The following TEK variants were observed in gnomAD, a reference collection of about 807,000 sequenced individuals.
TEK encodes the protein TEK receptor tyrosine kinase, also known as angiopoietin-1 receptor.
TEK carries 43 observed loss-of-function variants against 131.8 expected under a neutral mutation model. That is an observed-to-expected ratio of 0.33 (90% CI 0.26 to 0.42). TEK has a LOEUF of 0.42. TEK is among the 10% of genes least tolerant of loss of function. The pLI is 1.00. For missense variants in TEK, 1,162 were observed against 1,384.4 expected (o/e 0.84, Z 2.55); for synonymous variants, 580 against 491.6 (o/e 1.18, Z -2.38).
At chr9:27,136,375 G>C (rs549222330) in intron 1 of TEK, among the ~76,000 whole-genome samples, 1 of 151,918 alleles carries the variant, frequency 6.6e-6, no homozygotes, top group Non-Finnish European at 1.5e-5. Context: ...CCACTGCGCC[G>C]GTCCCTACTT....
At chr9:27,182,764 G>T (rs1018432827) in intron 7 of TEK, among the ~76,000 whole-genome samples, 2 of 151,270 alleles carry the variant, frequency 1.3e-5, no homozygotes, top group South Asian at 4.2e-4. Flanking sequence ...CTGTGTAGAT[G>T]TTAGGCAAGA....
At chr9:27,153,102 C>T (rs1316542691) in intron 1 of TEK, among the ~76,000 whole-genome samples, 1 of 152,106 alleles carries the variant, frequency 6.6e-6, no homozygotes, top group Non-Finnish European at 1.5e-5. Context: ...GACGTCATGC[C>T]ACAATGCCAA....
At chr9:27,170,085 G>T (rs538557873) in intron 4 of TEK, among the ~76,000 whole-genome samples, 1 of 152,076 alleles carries the variant, frequency 6.6e-6, no homozygotes, top group East Asian at 1.9e-4. Context: ...TTCACATGGC[G>T]GCAGGAGAGA....
At chr9:27,184,709 G>C (rs559385969) in intron 8 of TEK, among the ~76,000 whole-genome samples, 77 of 152,166 alleles carry the variant, frequency 5.1e-4, no homozygotes, top group Non-Finnish European at 6.8e-4. Context: ...GTGGGAACTG[G>C]CTGGGTGAAG....
At chr9:27,177,130 G>A (rs967494859) in intron 6 of TEK, among the ~76,000 whole-genome samples, 1 of 152,150 alleles carries the variant, frequency 6.6e-6, no homozygotes, top group Non-Finnish European at 1.5e-5. Flanking sequence ...TTTGGCTACT[G>A]TAAGCAATGC....
intron 11 of TEK, chr9:27,195,818 G>GTGAAC: frequency 1.2e-5 from 5 of 415,182 alleles, no homozygotes; most frequent in Middle Eastern, 7.0e-4. Context: ...TATTTTACAG[G>GTGAAC]TGAACTTGGA....
intron 1 of TEK, among the ~76,000 whole-genome samples, chr9:27,134,759 C>T (rs568650758): frequency 1.4e-4 from 22 of 152,156 alleles, no homozygotes; most frequent in Non-Finnish European, 2.4e-4. Flanking sequence ...TCATGATCCC[C>T]TACTAGAAGT....
In TEK at chr9:27,208,675, C is replaced by T. The variant is rs376308826; in HGVS notation, c.2576-446C>T. Among the ~76,000 whole-genome samples the T allele has an allele frequency of 6.6e-4, 100 of 152,280 alleles. 1 individual carries two copies. In the South Asian group the frequency reaches 0.011, roughly 16 times the overall value. Reference sequence around the variant, plus strand: ...TCATGGAAACTTTGGTTCTATTCCTCAGTTGTCTCTGGATGGTAGATTTAG... The same window carrying T: ...TCATGGAAACTTTGGTTCTATTCCTTAGTTGTCTCTGGATGGTAGATTTAG... On this transcript the variant is annotated intron_variant, in intron 15 of 22. Transcript: ENST00000380036.
chr9:27,137,634 C>A (rs1478853802), intron 1 of TEK, among the ~76,000 whole-genome samples: 1 of 151,962 alleles, frequency 6.6e-6, no homozygotes, highest in Non-Finnish European at 1.5e-5. Flanking sequence ...TTAAACTTAC[C>A]TGAAAATTGT....
chr9:27,146,650 C>G (rs1269161569), intron 1 of TEK, among the ~76,000 whole-genome samples: 2 of 151,798 alleles, frequency 1.3e-5, no homozygotes, highest in Non-Finnish European at 2.9e-5. Context: ...ATGTATTTAT[C>G]CACTGAAGGA....
chr9:27,203,403 GAA>G (rs1284161693), intron 13 of TEK, among the ~76,000 whole-genome samples: 1 of 152,230 alleles, frequency 6.6e-6, no homozygotes, highest in Non-Finnish European at 1.5e-5. Flanking sequence ...GGAGAAAGAA[GAA>G]TGTGGGAGCT....
chr9:27,221,066 A>T (rs1217950572), intron 21 of TEK, among the ~76,000 whole-genome samples: 1 of 152,122 alleles, frequency 6.6e-6, no homozygotes, highest in Non-Finnish European at 1.5e-5. Flanking sequence ...CTGGGGGAGG[A>T]CGCTCCAGCT....
intron 1 of TEK, among the ~76,000 whole-genome samples, chr9:27,146,668 G>T (rs996921122): frequency 1.1e-4 from 16 of 151,480 alleles, no homozygotes; most frequent in African/African-American, 2.7e-4. Context: ...GGATATTTGG[G>T]TGCTTCCAGT....
At chr9:27,178,737 C>A (rs1441863682) in intron 6 of TEK, among the ~76,000 whole-genome samples, 1 of 152,132 alleles carries the variant, frequency 6.6e-6, no homozygotes, top group African/African-American at 2.4e-5. Flanking sequence ...GTACCAAATT[C>A]TAAGAATTGT....
At chr9:27,192,322 T>A (rs1824850889) in intron 10 of TEK, among the ~76,000 whole-genome samples, 167 bp from the exon 11 acceptor site, 1 of 152,172 alleles carries the variant, frequency 6.6e-6, no homozygotes. Flanking sequence ...AGCCTAATTT[T>A]CCTCATATTG....
chr9:27,206,910 T>A, intron 15 of TEK, 118 bp downstream of exon 15: 1 of 1,141,320 alleles, frequency 8.8e-7, no homozygotes. Flanking sequence ...GACATAGCTG[T>A]TATTTGCAAC....
At position 27,160,951 on chromosome 9, in the gene TEK, CT is replaced by C. The variant is rs561779682; in HGVS notation, c.364+2810del. Reference sequence around the variant, plus strand: ...GACTTGTATAAAGACTAATATTCTTCTGCTGATGTTTCCACATTCTAAAGGA... The same window carrying C: ...GACTTGTATAAAGACTAATATTCTTCGCTGATGTTTCCACATTCTAAAGGA... On this transcript the variant is annotated intron_variant, in intron 2 of 22. Coordinates refer to ENST00000380036, the MANE Select transcript of TEK (RefSeq NM_000459.5). 2.6e-5 allele frequency among the ~76,000 whole-genome samples: 4 copies of C among 152,338 alleles called. No homozygotes were observed. In the South Asian group the frequency reaches 8.3e-4, roughly 32 times the overall value.
intron 15 of TEK, 31 bp from the exon 16 acceptor site, chr9:27,209,087 AAAG>A: frequency 6.7e-7 from 1 of 1,500,246 alleles, no homozygotes; most frequent in Non-Finnish European, 9.3e-7. Flanking sequence ...AAGGTGTAAC[AAAG>A]AAGAATCACA....
At chr9:27,139,309 G>A (rs1406994367) in intron 1 of TEK, among the ~76,000 whole-genome samples, 2 of 144,074 alleles carry the variant, frequency 1.4e-5, no homozygotes, top group Non-Finnish European at 3.0e-5. Context: ...TTATTTGGAA[G>A]ACAGCTTTAA....
Sources: gnomAD v4.1 joint callset for allele counts (sites outside exome capture counted in the v4.1 genomes callset) on GRCh38, gnomAD v4.1.1 for gene constraint, MANE v1.5 for transcripts, NCBI Gene and HGNC (gene_info 2026-07-23, HGNC 2026-07-21) for gene names.